The following HTR4 variants were observed in gnomAD, a reference collection of about 807,000 sequenced individuals.
HTR4 encodes the protein 5-hydroxytryptamine (serotonin) receptor 4, G protein-coupled.
In HTR4, 16 loss-of-function variants were observed where a neutral mutation model predicts 36.8. That is an observed-to-expected ratio of 0.43 (90% CI 0.29 to 0.66). The LOEUF (loss-of-function observed/expected upper bound fraction) is 0.66, where lower values mean the gene tolerates loss of function less well. Ranked by LOEUF, HTR4 falls within the 30% of genes least tolerant of loss-of-function variation. The probability of loss-of-function intolerance (pLI) is 0.13; values close to 1 mark genes in which losing one functional copy is unlikely to be tolerated. For synonymous variants in HTR4, 189 were observed against 185.1 expected (o/e 1.02, Z -0.17); for missense variants, 438 against 490.9 (o/e 0.89, Z 1.02).
chr5:148,560,150 C>T (rs1040977322), intron 2 of HTR4, among the ~76,000 whole-genome samples: 1 of 147,410 alleles, frequency 6.8e-6, no homozygotes, highest in African/African-American at 2.5e-5. Flanking sequence ...GTTCTCAGGT[C>T]TCCCAGTTAA....
At chr5:148,463,205 C>A (rs1326069324) in intron 5 of HTR4, among the ~76,000 whole-genome samples, 1 of 111,992 alleles carries the variant, frequency 8.9e-6, no homozygotes, top group Non-Finnish European at 1.7e-5. Flanking sequence ...CGGAGTCTCA[C>A]TCTGTTGTCC....
intron 4 of HTR4, among the ~76,000 whole-genome samples, chr5:148,532,266 C>A (rs976502309): frequency 1.1e-4 from 16 of 152,206 alleles, no homozygotes; most frequent in African/African-American, 3.9e-4. Context: ...GACACCTGTG[C>A]CCCTAAAAAA....
chr5:148,548,534 T>C (rs1445051553), intron 4 of HTR4, 134 bp downstream of exon 4: 5 of 786,054 alleles, frequency 6.4e-6, no homozygotes, highest in Non-Finnish European at 8.3e-6. Context: ...AGAATGACTG[T>C]ATAACTGAAT....
chr5:148,652,656 T>C (rs1754075515), intron 1 of HTR4, among the ~76,000 whole-genome samples: 1 of 152,158 alleles, frequency 6.6e-6, no homozygotes, highest in South Asian at 2.1e-4. Context: ...CGATATGAAC[T>C]GAACTAAATG....
At chr5:148,560,870 A>G (rs1285625197) in intron 2 of HTR4, among the ~76,000 whole-genome samples, 1 of 152,198 alleles carries the variant, frequency 6.6e-6, no homozygotes, top group African/African-American at 2.4e-5. Flanking sequence ...TTTCCTTTAA[A>G]AAAACACATG....
At chr5:148,490,890 G>T (rs1240116651) in intron 6 of HTR4, 1 of 457,480 alleles carries the variant, frequency 2.2e-6, no homozygotes, top group South Asian at 1.6e-5. Flanking sequence ...AAACCTCTTT[G>T]CTCTAAGCTC....
At position 148,482,687 on chromosome 5, in the gene HTR4, A is replaced by T. The variant is rs1199873297; in HGVS notation, c.*516T>A. ...CGTCTGGCACAGAACAGGGCGAAGA[A>T]GAGGCAGGGGATAGCTTGAACATGG... On this transcript the variant is annotated 3_prime_UTR_variant, in exon 7 of 7. Coordinates refer to ENST00000377888, the MANE Select transcript of HTR4 (RefSeq NM_000870.7). 1.0e-6 allele frequency: 1 copy of T among 1,004,014 alleles called. No homozygotes were observed. Among genetic ancestry groups the T allele is most frequent in the African/African-American group, 1.7e-5 (1 of 58,280 alleles). The allele number at this position is 1,004,014 out of a possible 1,614,324, so 62.2% of individuals were successfully genotyped here.
At chr5:148,469,552 G>T (rs1036937158) in intron 5 of HTR4, among the ~76,000 whole-genome samples, 1 of 152,192 alleles carries the variant, frequency 6.6e-6, no homozygotes, top group African/African-American at 2.4e-5. Flanking sequence ...ACATTCTGAA[G>T]CCAGCTCTGC....
intron 2 of HTR4, among the ~76,000 whole-genome samples, chr5:148,565,485 G>A (rs1023340613): frequency 6.6e-5 from 10 of 152,152 alleles, no homozygotes; most frequent in Non-Finnish European, 1.5e-4. Context: ...AAACTCATAG[G>A]AGTGGAGATG....
intron 4 of HTR4, among the ~76,000 whole-genome samples, chr5:148,543,774 C>G (rs1759234704): frequency 6.6e-6 from 1 of 152,074 alleles, no homozygotes; most frequent in African/African-American, 2.4e-5. Flanking sequence ...AAATCAAATA[C>G]AAGCTTGTGA....
intron 4 of HTR4, among the ~76,000 whole-genome samples, chr5:148,538,945 C>G (rs1758968506): frequency 6.6e-6 from 1 of 152,068 alleles, no homozygotes; most frequent in African/African-American, 2.4e-5. Flanking sequence ...AAGAACAAAG[C>G]TGGAGGCGTC....
At chr5:148,506,607 T>A (rs906017239) in intron 6 of HTR4, among the ~76,000 whole-genome samples, 2 of 151,832 alleles carry the variant, frequency 1.3e-5, no homozygotes, top group African/African-American at 4.8e-5. Flanking sequence ...TGGGAGAAAA[T>A]TTTTGCAATC....
At chr5:148,642,595 T>A (rs1753761316) in intron 1 of HTR4, among the ~76,000 whole-genome samples, 1 of 152,130 alleles carries the variant, frequency 6.6e-6, no homozygotes, top group African/African-American at 2.4e-5. Context: ...CCCATCAGGA[T>A]CACACAAGCA....
chr5:148,487,792 A>G (rs1404737135), intron 6 of HTR4, among the ~76,000 whole-genome samples: 1 of 152,158 alleles, frequency 6.6e-6, no homozygotes, highest in African/African-American at 2.4e-5. Flanking sequence ...TAGGCAGTAG[A>G]GAGAAATCAC....
intron 5 of HTR4, among the ~76,000 whole-genome samples, chr5:148,519,870 G>A (rs1757930222): frequency 6.6e-6 from 1 of 152,156 alleles, no homozygotes; most frequent in Non-Finnish European, 1.5e-5. Flanking sequence ...GTGCTGTCTG[G>A]TGTTTGTAAT....
At chr5:148,512,619 T>C (rs534768763) in intron 5 of HTR4, among the ~76,000 whole-genome samples, 4 of 152,286 alleles carry the variant, frequency 2.6e-5, no homozygotes, top group African/African-American at 9.6e-5. Context: ...GTTTATGAAA[T>C]CTTTGTTTAC....
intron 4 of HTR4, among the ~76,000 whole-genome samples, chr5:148,544,274 T>A: frequency 6.6e-6 from 1 of 151,170 alleles, no homozygotes; most frequent in Non-Finnish European, 1.5e-5. Flanking sequence ...TCTCTCTCTC[T>A]CTTTCTCTCT....
In HTR4 at chr5:148,599,638, C is replaced by T. The variant is rs374719385; in HGVS notation, c.26+37351G>A. On this transcript the variant is annotated intron_variant, in intron 2 of 6. Transcript: ENST00000377888. ...TGGTAAATTTTAAGAGTTCTCTTTA[C>T]GAAGAAAAATGATCCCAGAGAAAAA... Among the ~76,000 whole-genome samples, 7 of 150,168 alleles carry T rather than the reference C, an allele frequency of 4.7e-5. No homozygotes were observed. The South Asian group carries it at 1.0e-3, about 22-fold the overall frequency.
At chr5:148,526,552 T>G (rs777827332) in intron 4 of HTR4, among the ~76,000 whole-genome samples, 6 of 152,002 alleles carry the variant, frequency 3.9e-5, no homozygotes, top group Non-Finnish European at 8.8e-5. Context: ...AATCCAAAAG[T>G]TCAAAAACAC....
Sources: allele counts gnomAD v4.1 joint callset (sites outside exome capture counted in the v4.1 genomes callset), GRCh38; gene constraint gnomAD v4.1.1; transcripts MANE v1.5; gene names NCBI Gene and HGNC (gene_info 2026-07-23, HGNC 2026-07-21).